Variants in AMOTL1 observed in about 807,000 individuals in gnomAD.
The protein encoded by AMOTL1 is angiomotin like 1.
A neutral mutation model predicts 102.9 loss-of-function variants in AMOTL1; 45 were observed. That is an observed-to-expected ratio of 0.44 (90% CI 0.34 to 0.56). AMOTL1 has a LOEUF of 0.56. Ranked by LOEUF, AMOTL1 falls within the 20% of genes least tolerant of loss-of-function variation. AMOTL1 has a pLI of 0.01. For missense variants in AMOTL1, 1,114 were observed against 1,225.6 expected, an observed-to-expected ratio of 0.91 and a Z score of 1.36; for synonymous variants, 481 against 484.7, an observed-to-expected ratio of 0.99 and a Z score of 0.10.
chr11:94,788,729 C>T (rs1297058787), intron 1 of AMOTL1, among the ~76,000 whole-genome samples: 2 of 152,252 alleles, frequency 1.3e-5, no homozygotes, highest in East Asian at 1.9e-4. Context: ...TATAGCTCCA[C>T]TCACAGTGAT....
chr11:94,856,188 A>C (rs544200660), intron 8 of AMOTL1, among the ~76,000 whole-genome samples: 3 of 152,278 alleles, frequency 2.0e-5, no homozygotes, highest in Non-Finnish European at 4.4e-5. Context: ...AGTATCCCTT[A>C]TCTGAAATGC....
chr11:94,803,558 GA>G (rs1205186431), intron 3 of AMOTL1, among the ~76,000 whole-genome samples: 5 of 152,126 alleles, frequency 3.3e-5, no homozygotes, highest in Non-Finnish European at 5.9e-5. Context: ...GACAAGATGG[GA>G]ATTAAACAGG....
At chr11:94,823,056 C>CTGGCCG (rs1386456084) in intron 4 of AMOTL1, among the ~76,000 whole-genome samples, 1 of 152,198 alleles carries the variant, frequency 6.6e-6, no homozygotes, top group Non-Finnish European at 1.5e-5. Context: ...AATGCTCCGG[C>CTGGCCG]TGGCCGATTT....
chr11:94,870,063 C>T (rs912297961), intron 12 of AMOTL1, among the ~76,000 whole-genome samples: 1 of 152,202 alleles, frequency 6.6e-6, no homozygotes, highest in Non-Finnish European at 1.5e-5. Flanking sequence ...CCTCTTAAGG[C>T]ACTCCTCTTA....
chr11:94,769,713 C>T (rs1294251976), intron 1 of AMOTL1, among the ~76,000 whole-genome samples: 2 of 152,132 alleles, frequency 1.3e-5, no homozygotes, highest in African/African-American at 2.4e-5. Context: ...CCTGAGCGTG[C>T]GGCCTCCTGA....
At chr11:94,722,180 C>T (rs1950184775) in intron 1 of AMOTL1, among the ~76,000 whole-genome samples, 1 of 152,136 alleles carries the variant, frequency 6.6e-6, no homozygotes. Context: ...TTTTCCCCTC[C>T]CTTTCTAGAA....
At chr11:94,771,185 G>C (rs529405627) in intron 1 of AMOTL1, among the ~76,000 whole-genome samples, 1 of 137,934 alleles carries the variant, frequency 7.2e-6, no homozygotes, top group East Asian at 2.3e-4. Context: ...AACTTTATAG[G>C]ACCTGCTAAT....
At position 94,760,635 on chromosome 11, in the gene AMOTL1, C is replaced by G. The variant is rs540200779; in HGVS notation, c.136+19647C>G. Among the ~76,000 whole-genome samples the G allele has an allele frequency of 1.9e-4, 29 of 152,342 alleles. No individual in the cohort carries two copies. In the South Asian group the frequency reaches 6.0e-3, roughly 32 times the overall value. On this transcript the variant is annotated intron_variant, in intron 3 of 4. Transcript: ENST00000299004. ...GAGAAGGCTTCCCCTTTCATCCTCT[C>G]TAAATGACCACTTTCTCCCTAATTG...
In AMOTL1 at chr11:94,831,513, A is replaced by G. The variant is rs940328463; in HGVS notation, c.1620A>G (p.Lys540=). The G allele has an allele frequency of 1.1e-5, 18 of 1,613,950 alleles. No homozygotes were observed. Among genetic ancestry groups the G allele is most frequent in the Non-Finnish European group, 1.5e-5 (18 of 1,179,808 alleles). The change falls in exon 6 of 13, where the codon AAA becomes AAG. Residue 540 remains lysine, a synonymous_variant. Coordinates refer to ENST00000433060, the MANE Select transcript of AMOTL1 (RefSeq NM_130847.3). ...GGGAATACGAAGGGCATGAAGACAA[A>G]GCTGCAGAGGGGCATTATGCTTCCC... ...SSREYEGHED[K]AAEGHYASQN...
intron 6 of AMOTL1, among the ~76,000 whole-genome samples, chr11:94,844,090 GTTATTAGCATT>G (rs1952359782): frequency 6.6e-6 from 1 of 152,100 alleles, no homozygotes. Flanking sequence ...TCTAAAATCA[GTTATTAGCATT>G]TCTGAGGTTC....
intron 4 of AMOTL1, among the ~76,000 whole-genome samples, chr11:94,825,391 C>T (rs1434030973): frequency 6.6e-6 from 1 of 152,206 alleles, no homozygotes; most frequent in African/African-American, 2.4e-5. Context: ...GGGAAAAAAC[C>T]AGTATCTGGA....
In AMOTL1 at chr11:94,864,715, G is replaced by C. The variant is rs1425189543; in HGVS notation, c.2136-20G>C. 1 of 1,609,888 alleles carries C rather than the reference G, an allele frequency of 6.2e-7. No homozygotes were observed. The highest frequency in any genetic ancestry group is 8.5e-7 in the Non-Finnish European group (1 of 1,177,488). On this transcript the variant is annotated intron_variant, in intron 9 of 12. Coordinates refer to ENST00000433060, the MANE Select transcript of AMOTL1 (RefSeq NM_130847.3). ...GCAAGAAGGTTTCCTATGATCAAAC[G>C]CATATCCTTGTGTTGCCAGGGACAC...
Position 94,850,158 on chromosome 11 carries a change from G to T in AMOTL1, c.1693G>T (p.Ala565Ser), listed in dbSNP as rs772779954. ...KEKEKLEMEL[A>S]AVRTASEDHR... is the part of the protein sequence containing the mutation. ...AAAGGAGAAATTAGAAATGGAGTTA[G>T]CAGCAGTGCGGACTGCAAGTGAGGA... Residue 565 changes from alanine (A) to serine (S), a missense_variant, in exon 7 of 13, where the codon GCA becomes TCA. Physicochemically the swap from Ala to Ser is moderately conservative, Grantham distance 99. Coordinates refer to ENST00000433060, the MANE Select transcript of AMOTL1 (RefSeq NM_130847.3). The T allele has an allele frequency of 2.5e-6, 4 of 1,587,520 alleles. No individual in the cohort carries two copies. Among genetic ancestry groups the T allele is most frequent in the Non-Finnish European group, 3.4e-6 (4 of 1,166,366 alleles).
chr11:94,765,432 TC>T (rs1297942724), upstream of AMOTL1, among the ~76,000 whole-genome samples: 1 of 152,162 alleles, frequency 6.6e-6, no homozygotes, highest in Non-Finnish European at 1.5e-5. Context: ...AGGCCTTAGT[TC>T]CTGAACAATA....
chr11:94,778,263 G>A (rs959789195), intron 1 of AMOTL1, among the ~76,000 whole-genome samples: 1 of 152,166 alleles, frequency 6.6e-6, no homozygotes, highest in African/African-American at 2.4e-5. Flanking sequence ...AAGTGTGGGG[G>A]TATCTTACTA....
chr11:94,771,814 A>G (rs1449733927), intron 1 of AMOTL1, among the ~76,000 whole-genome samples: 5 of 152,076 alleles, frequency 3.3e-5, no homozygotes, highest in African/African-American at 9.7e-5. Context: ...CACATCAGGC[A>G]TTTTCCCCCC....
chr11:94,742,534 G>T (rs1950540986), intron 3 of AMOTL1, among the ~76,000 whole-genome samples: 1 of 151,820 alleles, frequency 6.6e-6, no homozygotes, highest in African/African-American at 2.4e-5. Flanking sequence ...TCTCCCTCTG[G>T]GACTTACAGA....
At position 94,836,455 on chromosome 11, in the gene AMOTL1, T is replaced by G. The variant is rs547665282; in HGVS notation, c.1648+4914T>G. 2.0e-5 allele frequency among the ~76,000 whole-genome samples: 3 copies of G among 152,318 alleles called. No individual in the cohort carries two copies. The East Asian group carries it at 5.8e-4, about 29-fold the overall frequency. ...CCACTAAATGAGAGAACTATAGACG[T>G]TCTTCACCAGTATTCATCCCCCACC... On this transcript the variant is annotated intron_variant, in intron 6 of 12. Coordinates refer to ENST00000433060, the MANE Select transcript of AMOTL1 (RefSeq NM_130847.3).
rs1250815783 is a variant in AMOTL1 at position 94,777,522 on chromosome 11, A to G, written c.49+8962A>G. 2.6e-5 allele frequency among the ~76,000 whole-genome samples: 4 copies of G among 152,232 alleles called. No individual in the cohort carries two copies. The East Asian group carries it at 7.7e-4, about 29-fold the overall frequency. ...AAATAAATTCCAGGAGTTTGGAGAA[A>G]AAAATTGAAATAAAGACAAATATTT... On this transcript the variant is annotated intron_variant, in intron 1 of 12. Coordinates refer to ENST00000433060, the MANE Select transcript of AMOTL1 (RefSeq NM_130847.3).
Sources: gnomAD v4.1 joint callset for allele counts (sites outside exome capture counted in the v4.1 genomes callset) on GRCh38, gnomAD v4.1.1 for gene constraint, MANE v1.5 for transcripts, NCBI Gene and HGNC (gene_info 2026-07-23, HGNC 2026-07-21) for gene names.